JAKMIP2: variants seen among roughly 807,000 people sequenced by gnomAD.
JAKMIP2 encodes janus kinase and microtubule interacting protein 2.
JAKMIP2 carries 25 observed loss-of-function variants against 115.0 expected under a neutral mutation model. The ratio of observed to expected loss-of-function variants is 0.22; its 90% CI spans 0.16 to 0.30. The LOEUF is 0.30. Ranked by LOEUF, JAKMIP2 falls within the 10% of genes least tolerant of loss-of-function variation. The probability of loss-of-function intolerance (pLI) is 1.00; values close to 1 mark genes in which losing one functional copy is unlikely to be tolerated. For missense variants in JAKMIP2, 642 were observed against 957.6 expected, an observed-to-expected ratio of 0.67 and a Z score of 4.35; for synonymous variants, 334 against 343.6, an observed-to-expected ratio of 0.97 and a Z score of 0.31.
chr5:147,698,316 T>C (rs368368317), intron 1 of JAKMIP2, among the ~76,000 whole-genome samples: 61 of 152,318 alleles, frequency 4.0e-4, no homozygotes, highest in African/African-American at 1.4e-3. Context: ...TATAGGATCA[T>C]AGGCAGAAGA....
At chr5:147,628,864 ACC>A in intron 15 of JAKMIP2, 48 bp from the exon 16 acceptor site, 1 of 1,400,652 alleles carries the variant, frequency 7.1e-7, no homozygotes, top group Non-Finnish European at 1.0e-6. Context: ...GACATTATTT[ACC>A]CCAAAGAAAA....
At chr5:147,640,526 T>A (rs988874187) in intron 9 of JAKMIP2, among the ~76,000 whole-genome samples, 178 bp downstream of exon 9, 56 of 152,234 alleles carry the variant, frequency 3.7e-4, no homozygotes, top group African/African-American at 1.3e-3. Flanking sequence ...GTTTACCTGC[T>A]ATAAGTGAAG....
At chr5:147,604,114 A>G (rs1026937132) in intron 20 of JAKMIP2, among the ~76,000 whole-genome samples, 1 of 152,160 alleles carries the variant, frequency 6.6e-6, no homozygotes, top group East Asian at 1.9e-4. Flanking sequence ...GTCTTTGACA[A>G]ACAGGGAAGC....
chr5:147,770,155 C>T (rs868643365), intron 1 of JAKMIP2, among the ~76,000 whole-genome samples: 5 of 151,962 alleles, frequency 3.3e-5, no homozygotes, highest in Non-Finnish European at 4.4e-5. Context: ...ACAAATCTTA[C>T]ATATTTTTTC....
chr5:147,751,256 G>GTTTTTTTTTTTTTTTT lies in JAKMIP2; in HGVS notation c.-149+31199_-149+31200insAAAAAAAAAAAAAAAA, dbSNP rs59032563. On this transcript the variant is annotated intron_variant, in intron 1 of 21. Transcript: ENST00000616793. ...CCGGCTAAGTTGTTTTTTTGTTGTTGTTTTTTTTTTTTTTTGTATTTTTAG... is the reference window on the plus strand; with the variant it reads ...CCGGCTAAGTTGTTTTTTTGTTGTTGTTTTTTTTTTTTTTTTTTTTTTTTTTTTTTTGTATTTTTAG... 3.8e-5 allele frequency among the ~76,000 whole-genome samples: 5 copies of GTTTTTTTTTTTTTTTT among 131,586 alleles called. No individual in the cohort carries two copies. The East Asian group carries it at 9.3e-4, about 25-fold the overall frequency. The allele number at this position is 131,586 out of a possible 152,430, so 86.3% of individuals were successfully genotyped here. A position where few individuals can be genotyped will look rare whatever the true frequency, so the allele number is the denominator to read the frequency against.
intron 12 of JAKMIP2, among the ~76,000 whole-genome samples, chr5:147,634,062 G>A (rs1384205935): frequency 6.6e-6 from 1 of 152,142 alleles, no homozygotes; most frequent in Non-Finnish European, 1.5e-5. Context: ...CTTGATATTA[G>A]CTGTATAGGT....
At chr5:147,603,241 C>G (rs151181909) in intron 20 of JAKMIP2, among the ~76,000 whole-genome samples, 4 of 152,208 alleles carry the variant, frequency 2.6e-5, no homozygotes, top group Non-Finnish European at 5.9e-5. Context: ...TGTTTAATTT[C>G]TTTGAGCCAT....
chr5:147,751,074 CT>C (rs60288356), intron 1 of JAKMIP2, among the ~76,000 whole-genome samples: 42,788 of 143,032 alleles, frequency 0.3, 6,824 homozygotes, highest in African/African-American at 0.47. Flanking sequence ...GTCAGAATGA[CT>C]TTTTTTTTTT....
At chr5:147,595,593 T>A (rs1486337369) in intron 21 of JAKMIP2, 2 of 453,186 alleles carry the variant, frequency 4.4e-6, no homozygotes, top group Non-Finnish European at 8.8e-6. Flanking sequence ...GGTATTTTGT[T>A]ATAATAGCAC....
chr5:147,683,800 A>G lies in JAKMIP2; in HGVS notation c.-148-11846T>C, dbSNP rs182473881. 3.5e-3 allele frequency among the ~76,000 whole-genome samples: 537 copies of G among 152,318 alleles called. 3 individuals are homozygous for G. The highest frequency in any genetic ancestry group is 0.012 in the African/African-American group (498 of 41,568). ...GCCTGCTACTTAAAAAAGGCAGAAC[A>G]ATTTCAATATAAAGATGTATACAGA... On this transcript the variant is annotated intron_variant, in intron 1 of 21. Coordinates refer to ENST00000616793, the MANE Select transcript of JAKMIP2 (RefSeq NM_001270941.2).
intron 1 of JAKMIP2, among the ~76,000 whole-genome samples, chr5:147,762,324 T>G (rs1368239043): frequency 6.6e-6 from 1 of 152,146 alleles, no homozygotes; most frequent in Non-Finnish European, 1.5e-5. Flanking sequence ...TAGATTGTAC[T>G]CTTATTCGTG....
intron 21 of JAKMIP2, chr5:147,595,442 G>A (rs928000137): frequency 2.2e-6 from 1 of 456,856 alleles, no homozygotes; most frequent in Non-Finnish European, 4.4e-6. Context: ...CCCTCCAGGG[G>A]ATGCAACAAC....
At chr5:147,686,204 A>T (rs981281024) in intron 1 of JAKMIP2, among the ~76,000 whole-genome samples, 2 of 152,146 alleles carry the variant, frequency 1.3e-5, no homozygotes, top group African/African-American at 4.8e-5. Context: ...CACGCTGCAA[A>T]ACCTGACTTA....
chr5:147,632,971 G>A (rs923388323), intron 12 of JAKMIP2, among the ~76,000 whole-genome samples, 193 bp from the exon 13 acceptor site: 1 of 152,122 alleles, frequency 6.6e-6, no homozygotes, highest in Non-Finnish European at 1.5e-5. Flanking sequence ...AGTTTTTTGA[G>A]TCACAGAGAA....
In JAKMIP2 at chr5:147,617,898, A is replaced by C; in HGVS notation, c.2346+13T>G. On this transcript the variant is annotated intron_variant, in intron 19 of 21. Coordinates refer to ENST00000616793, the MANE Select transcript of JAKMIP2 (RefSeq NM_001270941.2). ...GTACTAACCCTACGCAGAGGCAGTG[A>C]CTCAGTCCTCACCTGATGGGCTTGC... is the stretch of plus-strand genomic sequence containing the variant. The C allele has an allele frequency of 6.2e-7, 1 of 1,610,992 alleles. No individual in the cohort carries two copies. Among genetic ancestry groups the C allele is most frequent in the Non-Finnish European group, 8.5e-7 (1 of 1,177,206 alleles).
intron 7 of JAKMIP2, 28 bp from the exon 8 acceptor site, chr5:147,641,792 T>A (rs376792857): frequency 1.3e-6 from 2 of 1,578,498 alleles, no homozygotes; most frequent in Non-Finnish European, 1.7e-6. Context: ...GATTTTCAGA[T>A]CCAGAATTGG....
At chr5:147,662,471 G>T (rs1034404134) in intron 2 of JAKMIP2, among the ~76,000 whole-genome samples, 4 of 152,132 alleles carry the variant, frequency 2.6e-5, no homozygotes, top group Admixed American at 6.5e-5. Context: ...GATTAGCAAT[G>T]GCACTACCTA....
intron 1 of JAKMIP2, among the ~76,000 whole-genome samples, chr5:147,717,658 G>A (rs968761676): frequency 6.6e-6 from 1 of 151,476 alleles, no homozygotes; most frequent in South Asian, 2.1e-4. Flanking sequence ...GTCTGTTGCT[G>A]TTGTATAAGA....
chr5:147,687,348 TA>T (rs1760621397), intron 1 of JAKMIP2, among the ~76,000 whole-genome samples: 1 of 152,132 alleles, frequency 6.6e-6, no homozygotes, highest in Non-Finnish European at 1.5e-5. Context: ...AACATGTAAA[TA>T]ATGAACTGCA....
Sources: gnomAD v4.1 joint callset for allele counts (sites outside exome capture counted in the v4.1 genomes callset) on GRCh38, gnomAD v4.1.1 for gene constraint, MANE v1.5 for transcripts, NCBI Gene and HGNC (gene_info 2026-07-23, HGNC 2026-07-21) for gene names.